The following SPSB1 variants were observed in gnomAD, a reference collection of about 807,000 sequenced individuals.
The protein encoded by SPSB1 is SPRY domain-containing SOCS box protein 1.
In SPSB1, 8 loss-of-function variants were observed where a neutral mutation model predicts 21.2. That is an observed-to-expected ratio of 0.38 (90% confidence interval 0.22 to 0.68). The LOEUF (loss-of-function observed/expected upper bound fraction) is 0.68. Among genes scored for constraint, SPSB1 ranks in the 30% least tolerant of loss-of-function variants. The probability of loss-of-function intolerance (pLI) is 0.53; values close to 1 mark genes in which losing one functional copy is unlikely to be tolerated. For synonymous variants in SPSB1, 169 were observed against 161.7 expected, an observed-to-expected ratio of 1.05 and a Z score of -0.34; for missense variants, 242 against 377.8, an observed-to-expected ratio of 0.64 and a Z score of 2.98.
rs757492316 is a variant in SPSB1, at chr1:9,355,845, A to T, written c.-47A>T. 4 of 1,516,950 alleles carry T rather than the reference A, an allele frequency of 2.6e-6. No homozygotes were observed. Among genetic ancestry groups the T allele is most frequent in the South Asian group, 2.6e-5 (2 of 75,488 alleles). The allele number at this position is 1,516,950 out of a possible 1,614,324, so 94.0% of individuals were successfully genotyped here. On this transcript the variant is annotated 5_prime_UTR_variant, in exon 2 of 3. The change abolishes an upstream ATG in the 5' untranslated region. Transcript: ENST00000328089. ...TACTGGAGACGAGACCACGAGATTGATGAGTTTGCCTTGGGAGTCGGTAAG... is the reference window on the plus strand; with the variant it reads ...TACTGGAGACGAGACCACGAGATTGTTGAGTTTGCCTTGGGAGTCGGTAAG...
At chr1:9,331,544 C>G (rs1199579371) in intron 1 of SPSB1, among the ~76,000 whole-genome samples, 2 of 152,072 alleles carry the variant, frequency 1.3e-5, no homozygotes, top group Non-Finnish European at 2.9e-5. Flanking sequence ...GTTGACCAGG[C>G]TGGTCTTGAA....
chr1:9,362,249 C>A (rs1417835671), intron 2 of SPSB1, among the ~76,000 whole-genome samples: 2 of 152,094 alleles, frequency 1.3e-5, no homozygotes, highest in Non-Finnish European at 2.9e-5. Flanking sequence ...ATTCCCCACA[C>A]CCTCCAGAAG....
chr1:9,301,136 T>A (rs1231845368), intron 1 of SPSB1, among the ~76,000 whole-genome samples: 4 of 152,158 alleles, frequency 2.6e-5, no homozygotes. Context: ...GCCTGATGAT[T>A]TGGCTGGATG....
chr1:9,354,614 A>AC (rs1640331372), intron 1 of SPSB1, among the ~76,000 whole-genome samples: 1 of 152,076 alleles, frequency 6.6e-6, no homozygotes, highest in African/African-American at 2.4e-5. Flanking sequence ...GGAGTTCAAG[A>AC]CCAGCCTGGC....
At chr1:9,357,770 G>C (rs140564804) in intron 2 of SPSB1, among the ~76,000 whole-genome samples, 1 of 152,186 alleles carries the variant, frequency 6.6e-6, no homozygotes, top group African/African-American at 2.4e-5. Context: ...GGAGGTGAAG[G>C]CTCCATGGCT....
intron 1 of SPSB1, among the ~76,000 whole-genome samples, chr1:9,353,607 C>T (rs975958973): frequency 2.0e-5 from 3 of 152,090 alleles, no homozygotes; most frequent in Middle Eastern, 3.2e-3. Context: ...AAGAGATGAC[C>T]GTGCCCCTGA....
In SPSB1 at chr1:9,319,623, G is replaced by A. The variant is rs546024185; in HGVS notation, c.-150+26552G>A. On this transcript the variant is annotated intron_variant, in intron 1 of 2. Transcript: ENST00000328089. ...TGTGTCTCACGGTGGCTGATGTTCC[G>A]TACCGGGCTGGTATTCCGTTCCGGC... Among the ~76,000 whole-genome samples, 33 of 152,302 alleles carry A rather than the reference G, an allele frequency of 2.2e-4. No individual in the cohort carries two copies. The South Asian group carries it at 6.4e-3, about 30-fold the overall frequency.
intron 2 of SPSB1, among the ~76,000 whole-genome samples, chr1:9,365,949 T>G (rs1640562066): frequency 1.3e-5 from 2 of 152,124 alleles, no homozygotes; most frequent in South Asian, 4.1e-4. Context: ...CAAAGAGGGG[T>G]CTGCTCTGGC....
intron 1 of SPSB1, among the ~76,000 whole-genome samples, chr1:9,337,868 A>C (rs926798906): frequency 6.6e-6 from 1 of 152,198 alleles, no homozygotes; most frequent in African/African-American, 2.4e-5. Flanking sequence ...AGCATGGGGA[A>C]AAACAGACCC....
chr1:9,307,091 C>T (rs1424072628), intron 1 of SPSB1, among the ~76,000 whole-genome samples: 1 of 152,012 alleles, frequency 6.6e-6, no homozygotes, highest in African/African-American at 2.4e-5. Flanking sequence ...CCACGCCTGG[C>T]TAATTTTTGT....
intron 1 of SPSB1, among the ~76,000 whole-genome samples, chr1:9,307,765 T>C (rs1297245299): frequency 1.3e-5 from 2 of 152,206 alleles, no homozygotes; most frequent in African/African-American, 2.4e-5. Context: ...TTCCCGTTGA[T>C]CTATTAAAAA....
chr1:9,347,528 A>G (rs989400261), intron 1 of SPSB1, among the ~76,000 whole-genome samples: 12 of 152,378 alleles, frequency 7.9e-5, no homozygotes, highest in East Asian at 3.9e-4. Flanking sequence ...ACCTACAAAC[A>G]TAAATAGGCG....
At chr1:9,300,850 A>G (rs575911832) in intron 1 of SPSB1, among the ~76,000 whole-genome samples, 15 of 152,328 alleles carry the variant, frequency 9.8e-5, no homozygotes, top group African/African-American at 1.4e-4. Flanking sequence ...GCCTGTATCT[A>G]TGGTCTCCTG....
chr1:9,293,856 G>T lies in SPSB1; in HGVS notation c.-150+785G>T, dbSNP rs1488266014. On this transcript the variant is annotated intron_variant, in intron 1 of 2. Coordinates refer to ENST00000328089, the MANE Select transcript of SPSB1 (RefSeq NM_025106.4). This position sits in a 1 kb window ranked among gnomAD's most constrained non-coding sequence, Gnocchi z 5.1. ...AGCGGGTGTCTCTGAGAGTGCATCT[G>T]CGTGTGTGTTTGTGCATGTCCTTGT... 6.6e-6 allele frequency among the ~76,000 whole-genome samples: 1 copy of T among 152,154 alleles called. No homozygotes were observed. The highest frequency in any genetic ancestry group is 2.4e-5 in the African/African-American group (1 of 41,420).
chr1:9,335,813 AAAAG>A (rs1451437605), intron 1 of SPSB1, among the ~76,000 whole-genome samples: 2 of 152,230 alleles, frequency 1.3e-5, no homozygotes, highest in African/African-American at 2.4e-5. Flanking sequence ...GTCTGTGAAA[AAAAG>A]AAAGAAAGAA....
chr1:9,356,205 C>T lies in SPSB1; in HGVS notation c.314C>T (p.Ala105Val), dbSNP rs1450384961. ...CTGCACGTGTGGCAGATCACGTGGG[C>T]CATGAGACAGCGGGGCACACACGCC... is the stretch of plus-strand genomic sequence containing the variant. The part of the protein sequence containing the change: ...RGLHVWQITW[A>V]MRQRGTHAVV... The change falls in exon 2 of 3, where the codon GCC (alanine) becomes GTC (valine). Residue 105 changes from alanine (A) to valine (V), a missense_variant. Coordinates refer to ENST00000328089, the MANE Select transcript of SPSB1 (RefSeq NM_025106.4). The surrounding 1 kb of genome is among the most constrained non-coding windows in gnomAD (Gnocchi z 7.4). 2 of 1,593,040 alleles carry T rather than the reference C, an allele frequency of 1.3e-6. No homozygotes were observed.
chr1:9,296,062 C>T (rs1385708048), intron 1 of SPSB1, among the ~76,000 whole-genome samples: 3 of 152,096 alleles, frequency 2.0e-5, no homozygotes, highest in South Asian at 2.1e-4. Flanking sequence ...ATAACATCTC[C>T]CCCAGTCTAA....
intron 1 of SPSB1, among the ~76,000 whole-genome samples, chr1:9,309,263 AGAGAGAGAGAGAGAGAGTGT>A (rs1182769229): frequency 7.5e-6 from 1 of 132,668 alleles, no homozygotes; most frequent in Non-Finnish European, 1.6e-5. Context: ...TCCCCTGCGG[AGAGAGAGAGAGAGAGAGTGT>A]GAGAGAGAGA....
At chr1:9,334,661 C>T (rs989279127) in intron 1 of SPSB1, among the ~76,000 whole-genome samples, 2 of 152,106 alleles carry the variant, frequency 1.3e-5, no homozygotes, top group Non-Finnish European at 2.9e-5. Flanking sequence ...GTCACTGACC[C>T]CCCATTCCTG....
Sources: allele counts gnomAD v4.1 joint callset (sites outside exome capture counted in the v4.1 genomes callset), GRCh38; gene constraint gnomAD v4.1.1; non-coding constraint Gnocchi (gnomAD v3.1); transcripts MANE v1.5; gene names NCBI Gene and HGNC (gene_info 2026-07-23, HGNC 2026-07-21).